LAMA3: variants seen among roughly 807,000 people sequenced by gnomAD.
LAMA3 encodes laminin subunit alpha-3.
A neutral mutation model predicts 402.0 loss-of-function variants in LAMA3; 281 were observed. That is an observed-to-expected ratio of 0.70 (90% CI 0.63 to 0.77). The LOEUF is 0.77. Ranked by LOEUF, LAMA3 falls within the 30% of genes least tolerant of loss-of-function variation. LAMA3 has a pLI of 0.00. For missense variants in LAMA3, 3,840 were observed against 4,215.5 expected (o/e 0.91, Z 2.47); for synonymous variants, 1,431 against 1,558.4 (o/e 0.92, Z 1.93).
chr18:23,765,630 T>G (rs1356513379), intron 8 of LAMA3, among the ~76,000 whole-genome samples: 3 of 152,164 alleles, frequency 2.0e-5, no homozygotes, highest in Non-Finnish European at 4.4e-5. Context: ...TAGGGACCAA[T>G]TCTGACATGC....
intron 73 of LAMA3, 51 bp downstream of exon 73, chr18:23,951,828 C>T (rs1455195663): frequency 2.8e-6 from 4 of 1,411,674 alleles, no homozygotes; most frequent in Non-Finnish European, 3.0e-6. Context: ...GCCCCCTTTC[C>T]ATTTTGACTT....
intron 62 of LAMA3, among the ~76,000 whole-genome samples, chr18:23,924,462 T>A (rs1244160942): frequency 1.3e-5 from 2 of 151,796 alleles, no homozygotes; most frequent in African/African-American, 4.8e-5. Context: ...TAGAATTTTC[T>A]TAGTAACTTA....
In LAMA3 at chr18:23,921,569, A is replaced by G. The variant is rs377376620; in HGVS notation, c.8161A>G (p.Ile2721Val). Reference sequence around the variant, plus strand: ...CACATATTATCTGGGAGGAATTCCAATTGCAATCAGGGAAAGGTAAGATGA... The same window carrying G: ...CACATATTATCTGGGAGGAATTCCAGTTGCAATCAGGGAAAGGTAAGATGA... ...FSTYYLGGIPIAIRERFNIST... is the reference protein window; with the variant it reads ...FSTYYLGGIPVAIRERFNIST... The change falls in exon 62 of 75, where the codon ATT (isoleucine) becomes GTT (valine). Residue 2721 changes from isoleucine to valine, a missense_variant. Physicochemically the swap from Ile to Val is conservative, Grantham distance 29. This residue lies in a region of LAMA3 where 840 missense variants were observed against 981.9 expected (regional missense o/e 0.86). Transcript: ENST00000313654. The G allele has an allele frequency of 1.2e-5, 20 of 1,613,906 alleles. No homozygotes were observed. Among genetic ancestry groups the G allele is most frequent in the South Asian group, 9.9e-5 (9 of 91,084 alleles).
chr18:23,901,226 T>C lies in LAMA3; in HGVS notation c.6104T>C (p.Leu2035Pro), dbSNP rs2081059262. The C allele has an allele frequency of 3.1e-6, 5 of 1,614,104 alleles. No homozygotes were observed. Among genetic ancestry groups the C allele is most frequent in the Non-Finnish European group, 4.2e-6 (5 of 1,179,978 alleles). Residue 2035 changes from leucine to proline, a missense_variant, in exon 48 of 75, where the codon CTC becomes CCC. Leu to Pro is a moderately conservative substitution (Grantham distance 98). Coordinates refer to ENST00000313654, the MANE Select transcript of LAMA3 (RefSeq NM_198129.4). ...RDSLNEYEAK[L>P]SDLRARLQEA... ...TCTTTAAATGAATACGAAGCCAAAC[T>C]CAGTGACCTTCGTGCTCGGCTGCAG...
chr18:23,897,763 C>T (rs954824467), intron 44 of LAMA3, among the ~76,000 whole-genome samples: 1 of 152,220 alleles, frequency 6.6e-6, no homozygotes, highest in African/African-American at 2.4e-5. Flanking sequence ...CTGTATCACA[C>T]AAACATGCGA....
chr18:23,951,908 G>A (rs1260918830), intron 73 of LAMA3, 131 bp downstream of exon 73: 9 of 720,080 alleles, frequency 1.2e-5, no homozygotes, highest in African/African-American at 5.2e-5. Context: ...CGAGGCTAAC[G>A]TGTCCATTCA....
chr18:23,942,553 T>G (rs1329361988), intron 68 of LAMA3, among the ~76,000 whole-genome samples: 2 of 150,972 alleles, frequency 1.3e-5, no homozygotes, highest in African/African-American at 2.4e-5. Context: ...GTAACCATCA[T>G]GCAAATGAAT....
intron 65 of LAMA3, chr18:23,931,814 C>A (rs1011665943): frequency 2.0e-5 from 7 of 354,172 alleles, no homozygotes; most frequent in Non-Finnish European, 1.1e-5. Flanking sequence ...GGGTGCTACT[C>A]TGTTCCGTTT....
chr18:23,901,106 A>G (rs777726690), intron 47 of LAMA3, 21 bp from the exon 48 acceptor site: 2 of 1,606,844 alleles, frequency 1.2e-6, no homozygotes, highest in South Asian at 2.2e-5. Context: ...CAAATAGAAA[A>G]CATGAGGTGA....
intron 1 of LAMA3, among the ~76,000 whole-genome samples, chr18:23,705,464 C>T (rs1466216356): frequency 6.6e-6 from 1 of 151,694 alleles, no homozygotes; most frequent in Admixed American, 6.6e-5. Flanking sequence ...CACACACACA[C>T]ACACACACAC....
At chr18:23,714,789 C>A (rs1173341582) in intron 2 of LAMA3, among the ~76,000 whole-genome samples, 2 of 152,142 alleles carry the variant, frequency 1.3e-5, no homozygotes, top group African/African-American at 4.8e-5. Context: ...TTTCATCTTG[C>A]AAAACTGAAA....
At chr18:23,737,528 AT>A (rs1388112969) in intron 2 of LAMA3, among the ~76,000 whole-genome samples, 1 of 152,198 alleles carries the variant, frequency 6.6e-6, no homozygotes, top group Non-Finnish European at 1.5e-5. Flanking sequence ...ATGTGGGGGC[AT>A]TTGGAACTCA....
chr18:23,904,704 T>C lies in LAMA3; in HGVS notation c.6615+10T>C, dbSNP rs1599053919. 1.2e-6 allele frequency: 2 copies of C among 1,613,768 alleles called. No individual in the cohort carries two copies. Among genetic ancestry groups the C allele is most frequent in the Non-Finnish European group, 8.5e-7 (1 of 1,179,822 alleles). On this transcript the variant is annotated intron_variant, in intron 51 of 74. Transcript: ENST00000313654. ...TGAATCTGCCCTCCAGGTGGGCACC[T>C]GTACCAGCAGCTTCTCCACATTCGC...
intron 13 of LAMA3, among the ~76,000 whole-genome samples, chr18:23,811,000 G>GGGGGACCGTGTCATCGTAC (rs2063058737): frequency 1.3e-5 from 2 of 152,138 alleles, no homozygotes; most frequent in Non-Finnish European, 2.9e-5. Flanking sequence ...CTGGCCTTCT[G>GGGGGACCGTGTCATCGTAC]GGGGACCGTG....
intron 12 of LAMA3, among the ~76,000 whole-genome samples, chr18:23,804,287 C>T (rs2062920935): frequency 6.6e-6 from 1 of 152,186 alleles, no homozygotes; most frequent in Non-Finnish European, 1.5e-5. Context: ...CACTTAAAAG[C>T]ACCATTAGAT....
In LAMA3 at chr18:23,954,824, A is replaced by G. The variant is rs2083057685; in HGVS notation, c.*176A>G. On this transcript the variant is annotated 3_prime_UTR_variant, in exon 75 of 75. Transcript: ENST00000313654. ...CCATCACTTTGGCATTCAGTGCTACATGTGTATTTTATATAAAAATCCCAT... is the reference window on the plus strand; with the variant it reads ...CCATCACTTTGGCATTCAGTGCTACGTGTGTATTTTATATAAAAATCCCAT... 3 of 645,096 alleles carry G rather than the reference A, an allele frequency of 4.7e-6. No homozygotes were observed. Among genetic ancestry groups the G allele is most frequent in the African/African-American group, 1.8e-5 (1 of 55,074 alleles). The allele number at this position is 645,096 out of a possible 1,614,324, so 40.0% of individuals were successfully genotyped here. A position where few individuals can be genotyped will look rare whatever the true frequency, so the allele number is the denominator to read the frequency against.
rs374367265 is a variant in LAMA3, at chr18:23,777,557, G to A, written c.1406G>A (p.Arg469Lys). Residue 469 changes from arginine (R) to lysine (K), a missense_variant and splice_region_variant, in exon 11 of 75, where the codon AGA (arginine) becomes AAA (lysine). Transcript: ENST00000313654. Reference sequence around the variant, plus strand: ...ATTTTTTAATAAACTATTTTTACAGGAATTCCCATTTTTCCTGTTTCTACA... The same window carrying A: ...ATTTTTTAATAAACTATTTTTACAGAAATTCCCATTTTTCCTGTTTCTACA... ...IGYYNFPFCL[R>K]IPIFPVSTPS... 1.5e-5 allele frequency: 24 copies of A among 1,598,046 alleles called. No homozygotes were observed. Among genetic ancestry groups the A allele is most frequent in the East Asian group, 2.2e-5 (1 of 44,800 alleles).
chr18:23,832,526 G>T (rs929445416), intron 23 of LAMA3, among the ~76,000 whole-genome samples: 2 of 152,206 alleles, frequency 1.3e-5, no homozygotes, highest in Non-Finnish European at 2.9e-5. Flanking sequence ...GCCTGAGCTT[G>T]CAGGCGGAGG....
intron 12 of LAMA3, among the ~76,000 whole-genome samples, chr18:23,797,210 G>A (rs570818876): frequency 1.3e-5 from 2 of 152,100 alleles, no homozygotes; most frequent in African/African-American, 4.8e-5. Flanking sequence ...AGTTTGGGAG[G>A]ATGCAACATT....
Sources: allele counts gnomAD v4.1 joint callset (sites outside exome capture counted in the v4.1 genomes callset), GRCh38; gene constraint gnomAD v4.1.1; regional missense constraint gnomAD v4.1.1; transcripts MANE v1.5; gene names NCBI Gene and HGNC (gene_info 2026-07-23, HGNC 2026-07-21).